Variants in CACNA1D observed in about 807,000 individuals in gnomAD.
CACNA1D encodes the protein voltage-dependent L-type calcium channel subunit alpha-1D.
CACNA1D carries 55 observed loss-of-function variants against 257.1 expected under a neutral mutation model. The ratio of observed to expected loss-of-function variants is 0.21; its 90% CI spans 0.17 to 0.27. The LOEUF is 0.27. Among genes scored for constraint, CACNA1D ranks in the 10% least tolerant of loss-of-function variants. The pLI, the probability that CACNA1D is intolerant of heterozygous loss-of-function variation, is 1.00. For synonymous variants in CACNA1D, 980 were observed against 1,014.9 expected, an observed-to-expected ratio of 0.97 and a Z score of 0.65; for missense variants, 1,876 against 2,784.0, an observed-to-expected ratio of 0.67 and a Z score of 7.34.
chr3:53,555,592 A>G (rs1203550609), intron 3 of CACNA1D, among the ~76,000 whole-genome samples: 3 of 150,486 alleles, frequency 2.0e-5, no homozygotes, highest in African/African-American at 7.4e-5. Context: ...TTAATGCTAT[A>G]TTGGCACATG....
intron 3 of CACNA1D, among the ~76,000 whole-genome samples, chr3:53,516,893 A>T (rs2091357068): frequency 6.6e-6 from 1 of 152,188 alleles, no homozygotes; most frequent in Non-Finnish European, 1.5e-5. Flanking sequence ...ATGACAAATG[A>T]GGTCTGTGGT....
intron 3 of CACNA1D, among the ~76,000 whole-genome samples, chr3:53,555,345 G>C (rs942210360): frequency 6.6e-6 from 1 of 151,796 alleles, no homozygotes; most frequent in African/African-American, 2.4e-5. Flanking sequence ...ATGCAGGATA[G>C]GGCTTTGCCC....
chr3:53,497,255 C>A lies in CACNA1D; in HGVS notation c.171C>A (p.Ile57=). 6.2e-7 allele frequency: 1 copy of A among 1,614,180 alleles called. No individual in the cohort carries two copies. The highest frequency in any genetic ancestry group is 8.5e-7 in the Non-Finnish European group (1 of 1,180,012). The part of the protein sequence containing the change: ...KQTVLSWQAA[I]DAARQAKAAQ... Reference sequence around the variant, plus strand: ...CTGTCCTGTCTTGGCAAGCTGCAATCGATGCTGCTAGACAGGCCAAGGCTG... The same window carrying A: ...CTGTCCTGTCTTGGCAAGCTGCAATAGATGCTGCTAGACAGGCCAAGGCTG... Residue 57 remains isoleucine, a synonymous_variant, in exon 2 of 48, where the codon ATC becomes ATA. Transcript: ENST00000350061.
intron 3 of CACNA1D, among the ~76,000 whole-genome samples, chr3:53,527,174 G>A (rs946461951): frequency 2.0e-5 from 3 of 152,310 alleles, no homozygotes; most frequent in Non-Finnish European, 4.4e-5. Flanking sequence ...AAAACTTAGG[G>A]CTTAGAGAGA....
At chr3:53,672,319 C>T (rs2094330623) in intron 7 of CACNA1D, among the ~76,000 whole-genome samples, 2 of 152,154 alleles carry the variant, frequency 1.3e-5, no homozygotes, top group African/African-American at 2.4e-5. Context: ...AAGCCCATTC[C>T]CCAAAGAGCC....
chr3:53,795,962 C>CTT (rs1369833455), intron 40 of CACNA1D, among the ~76,000 whole-genome samples: 1 of 152,158 alleles, frequency 6.6e-6, no homozygotes, highest in African/African-American at 2.4e-5. Flanking sequence ...GATCCCAACC[C>CTT]TTTATATCTG....
At chr3:53,753,981 C>T (rs188697340) in intron 29 of CACNA1D, among the ~76,000 whole-genome samples, 24 of 152,360 alleles carry the variant, frequency 1.6e-4, no homozygotes, top group Non-Finnish European at 2.5e-4. Context: ...TAGTACATAT[C>T]ATGCTGTGTC....
At chr3:53,775,583 G>C (rs1161085179) in intron 34 of CACNA1D, among the ~76,000 whole-genome samples, 3 of 152,084 alleles carry the variant, frequency 2.0e-5, no homozygotes, top group Admixed American at 1.3e-4. Context: ...ATTAATTACT[G>C]TTAATTATAC....
intron 9 of CACNA1D, among the ~76,000 whole-genome samples, chr3:53,706,128 C>T (rs942787642): frequency 1.3e-5 from 2 of 152,208 alleles, no homozygotes; most frequent in East Asian, 1.9e-4. Context: ...GCGCAGGGCC[C>T]GGGCTCCTGA....
At chr3:53,791,155 C>A (rs958204591) in intron 40 of CACNA1D, 2 of 643,598 alleles carry the variant, frequency 3.1e-6, no homozygotes, top group Non-Finnish European at 5.6e-6. Context: ...CCCAGGGAGA[C>A]CCCTTCCAAG....
In CACNA1D at chr3:53,677,069, T is replaced by G. The variant is rs2094383789; in HGVS notation, c.1220+3943T>G. Among the ~76,000 whole-genome samples the G allele has an allele frequency of 1.3e-5, 2 of 152,236 alleles. 1 individual carries two copies. Among genetic ancestry groups the G allele is most frequent in the Non-Finnish European group, 2.9e-5 (2 of 68,038 alleles). On this transcript the variant is annotated intron_variant, in intron 8 of 47. Coordinates refer to ENST00000350061, the MANE Select transcript of CACNA1D (RefSeq NM_001128840.3). ...GTTTGGCAATTTTTCACTTTTCAAATTGTTAATTGAACTCCCTTTTGAGGT... is the reference window on the plus strand; with the variant it reads ...GTTTGGCAATTTTTCACTTTTCAAAGTGTTAATTGAACTCCCTTTTGAGGT...
chr3:53,709,645 C>T (rs931632396), intron 9 of CACNA1D, among the ~76,000 whole-genome samples: 2 of 152,160 alleles, frequency 1.3e-5, no homozygotes, highest in Non-Finnish European at 2.9e-5. Context: ...GCACAGGGTC[C>T]GTACTCTAAA....
chr3:53,715,771 G>A (rs2094812121), intron 9 of CACNA1D, among the ~76,000 whole-genome samples: 1 of 152,190 alleles, frequency 6.6e-6, no homozygotes, highest in Non-Finnish European at 1.5e-5. Flanking sequence ...GAGAGCAGGA[G>A]GACCCTGCCT....
Position 53,803,440 on chromosome 3 carries a change from A to C in CACNA1D, c.5453A>C (p.Glu1818Ala), listed in dbSNP as rs755639163. 3 of 1,614,228 alleles carry C rather than the reference A, an allele frequency of 1.9e-6. No individual in the cohort carries two copies. The South Asian group carries it at 3.3e-5, about 18-fold the overall frequency. ...ETYIRSDSGD[E>A]QLPTICREDP... Reference sequence around the variant, plus strand: ...AACTGCAGGTCCGACTCAGGAGATGAACAGCTCCCAACTATTTGCCGGGAA... The same window carrying C: ...AACTGCAGGTCCGACTCAGGAGATGCACAGCTCCCAACTATTTGCCGGGAA... The change falls in exon 44 of 48, where the codon GAA (glutamate) becomes GCA (alanine). Residue 1818 changes from glutamate (E) to alanine (A), a missense_variant. Physicochemically the swap from Glu to Ala is moderately radical, Grantham distance 107 (BLOSUM62 -1). Coordinates refer to ENST00000350061, the MANE Select transcript of CACNA1D (RefSeq NM_001128840.3).
chr3:53,761,403 C>T (rs558997981), intron 29 of CACNA1D, among the ~76,000 whole-genome samples: 3 of 152,324 alleles, frequency 2.0e-5, no homozygotes, highest in East Asian at 1.9e-4. Flanking sequence ...CCTGTGTCCC[C>T]GTAAGCCATT....
chr3:53,778,077 A>G (rs2095407476), intron 37 of CACNA1D, among the ~76,000 whole-genome samples: 1 of 152,206 alleles, frequency 6.6e-6, no homozygotes, highest in Non-Finnish European at 1.5e-5. Flanking sequence ...CAGACTCTCA[A>G]AGAAATCCCT....
intron 3 of CACNA1D, among the ~76,000 whole-genome samples, chr3:53,510,293 T>G (rs2091053936): frequency 1.3e-5 from 2 of 151,044 alleles, no homozygotes; most frequent in Admixed American, 6.6e-5. Flanking sequence ...AAATACAGTT[T>G]GAGTATTTTA....
intron 3 of CACNA1D, among the ~76,000 whole-genome samples, chr3:53,624,528 C>T (rs1283556647): frequency 2.0e-5 from 3 of 152,156 alleles, no homozygotes. Flanking sequence ...CCTTTACTAC[C>T]CCTCTCCCTG....
rs1226097065 is a variant in CACNA1D, at chr3:53,531,825, G to C, written c.483+30105G>C. ...AAGATTCCAGGCTGTGTAATCTTGA[G>C]CAAATCAATCTTGCTGGTCTACTTT... On this transcript the variant is annotated intron_variant, in intron 3 of 47. Transcript: ENST00000350061. Among the ~76,000 whole-genome samples, 3 of 152,178 alleles carry C rather than the reference G, an allele frequency of 2.0e-5. No individual in the cohort carries two copies. The East Asian group carries it at 5.8e-4, about 29-fold the overall frequency.
Sources: gnomAD v4.1 joint callset for allele counts (sites outside exome capture counted in the v4.1 genomes callset) on GRCh38, gnomAD v4.1.1 for gene constraint, MANE v1.5 for transcripts, NCBI Gene and HGNC (gene_info 2026-07-23, HGNC 2026-07-21) for gene names.